The following TLCD3B variants were observed in gnomAD, a reference collection of about 807,000 sequenced individuals.
TLCD3B encodes the protein ceramide synthase.
In TLCD3B, 9 loss-of-function variants were observed where a neutral mutation model predicts 23.0. The observed-to-expected ratio is 0.39, with a 90% CI of 0.24 to 0.68. TLCD3B has a LOEUF of 0.68. Among genes scored for constraint, TLCD3B ranks in the 30% least tolerant of loss-of-function variants. TLCD3B has a pLI of 0.44. For missense variants in TLCD3B, 307 were observed against 371.8 expected, an observed-to-expected ratio of 0.83 and a Z score of 1.43; for synonymous variants, 161 against 161.0, an observed-to-expected ratio of 1.00 and a Z score of 0.00.
At chr16:30,044,992 T>C (rs1427257092) in intron 2 of TLCD3B, among the ~76,000 whole-genome samples, 4 of 140,760 alleles carry the variant, frequency 2.8e-5, no homozygotes, top group Non-Finnish European at 6.1e-5. Flanking sequence ...AGTCAGGAGG[T>C]TGAGGCAGAA....
At chr16:30,027,991 C>T (rs1477692150) in intron 2 of TLCD3B, among the ~76,000 whole-genome samples, 1 of 152,120 alleles carries the variant, frequency 6.6e-6, no homozygotes, top group Non-Finnish European at 1.5e-5. Flanking sequence ...AGGGACGGTA[C>T]CAGGGAAAAG....
At position 30,029,071 on chromosome 16, in the gene TLCD3B, C is replaced by T. The variant is rs1447757370; in HGVS notation, c.209+361G>A. ...GGGAAGGGCTGAGGGGTGAGCCTGG[C>T]ATGAGGAGGGGGCACCCCATCTGGG... is the stretch of plus-strand genomic sequence containing the variant. On this transcript the variant is annotated intron_variant, in intron 2 of 4. Coordinates refer to ENST00000380495, the MANE Select transcript of TLCD3B (RefSeq NM_031478.6). The surrounding 1 kb of genome is among the most constrained non-coding windows in gnomAD (Gnocchi z 4.6). 6.6e-6 allele frequency among the ~76,000 whole-genome samples: 1 copy of T among 152,116 alleles called. No individual in the cohort carries two copies. Among genetic ancestry groups the T allele is most frequent in the Non-Finnish European group, 1.5e-5 (1 of 68,014 alleles).
At chr16:30,049,653 C>T (rs1047947692) in intron 1 of TLCD3B, among the ~76,000 whole-genome samples, 11 of 152,040 alleles carry the variant, frequency 7.2e-5, no homozygotes, top group Non-Finnish European at 1.6e-4. Context: ...CACAGCCAGG[C>T]GCAGTAGCTC....
rs560773212 is a variant in TLCD3B, at chr16:30,047,037, T to C, written c.-293-650A>G. 2.0e-5 allele frequency among the ~76,000 whole-genome samples: 3 copies of C among 152,284 alleles called. No homozygotes were observed. In the South Asian group the frequency reaches 6.2e-4, roughly 32 times the overall value. Reference sequence around the variant, plus strand: ...GTGCAGTGGCATGATCATGGCTCCCTGTAGCCTTGAACTCCTGGGCTCAAC... The same window carrying C: ...GTGCAGTGGCATGATCATGGCTCCCCGTAGCCTTGAACTCCTGGGCTCAAC... On this transcript the variant is annotated intron_variant, in intron 1 of 6. Coordinates refer to the TLCD3B transcript ENST00000561666.
intron 1 of TLCD3B, among the ~76,000 whole-genome samples, chr16:30,047,259 C>T (rs896483030): frequency 3.7e-4 from 56 of 152,146 alleles, no homozygotes; most frequent in Non-Finnish European, 3.2e-4. Flanking sequence ...ACCTCAGCCT[C>T]CTGAGTAGCT....
At chr16:30,047,408 G>A (rs2071690551) in intron 1 of TLCD3B, among the ~76,000 whole-genome samples, 1 of 152,034 alleles carries the variant, frequency 6.6e-6, no homozygotes, top group South Asian at 2.1e-4. Flanking sequence ...TGCAACCTCT[G>A]CCTCCCAGGT....
At position 30,039,108 on chromosome 16, in the gene TLCD3B, T is replaced by TAA. The variant is rs1567307361; in HGVS notation, c.-67+1886_-67+1887insTT. 2.5e-4 allele frequency among the ~76,000 whole-genome samples: 34 copies of TAA among 134,608 alleles called. 1 individual carries two copies. Among genetic ancestry groups the TAA allele is most frequent in the South Asian group, 7.6e-4 (3 of 3,954 alleles). 88.3% of individuals were successfully genotyped at this position (134,608 alleles called of 152,430 possible). On this transcript the variant is annotated intron_variant, in intron 3 of 6. Transcript: ENST00000561666. ...CTTCTCCTCCTCCTTCCTCTCTTTTTTTTTTTTTTTTTTTTTTTTTTTTTT... is the reference window on the plus strand; with the variant it reads ...CTTCTCCTCCTCCTTCCTCTCTTTTTAATTTTTTTTTTTTTTTTTTTTTTTTT...
intron 1 of TLCD3B, among the ~76,000 whole-genome samples, chr16:30,047,082 T>A (rs546714948): frequency 6.6e-6 from 1 of 152,160 alleles, no homozygotes; most frequent in Admixed American, 6.6e-5. Context: ...CTCTTCAGCC[T>A]CCTAAGTAGC....
intron 3 of TLCD3B, among the ~76,000 whole-genome samples, chr16:30,038,625 C>T (rs568901834): frequency 6.6e-6 from 1 of 152,250 alleles, no homozygotes; most frequent in South Asian, 2.1e-4. Context: ...TGGCATGTGC[C>T]TGTAATCCCA....
At chr16:30,040,748 C>T (rs977319758) in intron 3 of TLCD3B, among the ~76,000 whole-genome samples, 9 of 151,842 alleles carry the variant, frequency 5.9e-5, no homozygotes, top group Non-Finnish European at 7.4e-5. Context: ...CTCCACCTCC[C>T]GGGCTCAAGT....
intron 2 of TLCD3B, chr16:30,041,287 T>C (rs2071576392): frequency 6.6e-6 from 1 of 152,042 alleles, no homozygotes; most frequent in African/African-American, 2.4e-5. Context: ...GTTTGTTTTG[T>C]TTTTTTGAGA....
chr16:30,031,540 T>C (rs1218113852), upstream of TLCD3B, among the ~76,000 whole-genome samples: 1 of 152,188 alleles, frequency 6.6e-6, no homozygotes, highest in African/African-American at 2.4e-5. Context: ...CTCTGTGGCC[T>C]GCCCCGGGTC....
chr16:30,038,485 C>T (rs1317714720), intron 3 of TLCD3B, among the ~76,000 whole-genome samples: 1 of 152,124 alleles, frequency 6.6e-6, no homozygotes, highest in Non-Finnish European at 1.5e-5. Context: ...GGCGCAGTGG[C>T]TCACGCCTGT....
intron 3 of TLCD3B, among the ~76,000 whole-genome samples, chr16:30,040,066 G>A (rs767719901): frequency 2.0e-5 from 3 of 149,020 alleles, no homozygotes; most frequent in Middle Eastern, 3.4e-3. Flanking sequence ...CCCAGGAGGC[G>A]GAGGTTGCAG....
At position 30,029,329 on chromosome 16, in the gene TLCD3B, G is replaced by T; in HGVS notation, c.209+103C>A. 9.9e-7 allele frequency: 1 copy of T among 1,015,126 alleles called. No individual in the cohort carries two copies. Among genetic ancestry groups the T allele is most frequent in the Non-Finnish European group, 1.5e-6 (1 of 660,024 alleles). The allele number at this position is 1,015,126 out of a possible 1,614,324, so 62.9% of individuals were successfully genotyped here. A position where few individuals can be genotyped will look rare whatever the true frequency, so the allele number is the denominator to read the frequency against. On this transcript the variant is annotated intron_variant, in intron 2 of 4. Coordinates refer to ENST00000380495, the MANE Select transcript of TLCD3B (RefSeq NM_031478.6). This position sits in a 1 kb window ranked among gnomAD's most constrained non-coding sequence, Gnocchi z 4.6. ...TTGCTCAGGCCCAAGTTAAGGGCTT[G>T]GGGACCACAGACAGAGTTCCCTCCA...
At chr16:30,045,244 G>A (rs1251933113) in intron 2 of TLCD3B, among the ~76,000 whole-genome samples, 1 of 150,260 alleles carries the variant, frequency 6.7e-6, no homozygotes, top group Non-Finnish European at 1.5e-5. Context: ...AGCTTGTTCA[G>A]GGTGTGTGTG....
At position 30,026,712 on chromosome 16, in the gene TLCD3B, G is replaced by A. The variant is rs763015790; in HGVS notation, c.341C>T (p.Ala114Val). The A allele has an allele frequency of 2.5e-6, 4 of 1,613,996 alleles. No homozygotes were observed. Among genetic ancestry groups the A allele is most frequent in the African/African-American group, 2.7e-5 (2 of 75,052 alleles). Reference sequence around the variant, plus strand: ...CGCTATGGCCCACGTGCTGCCCGGGGCTCTGGCCGCTCCGTCGTCCCCTCC... The same window carrying A: ...CGCTATGGCCCACGTGCTGCCCGGGACTCTGGCCGCTCCGTCGTCCCCTCC... ...GHGGDDGAAR[A>V]PGSTWAIARG... Residue 114 changes from alanine to valine, a missense_variant, in exon 3 of 5, where the codon GCC (alanine) becomes GTC (valine). By Grantham distance (64) the Ala-to-Val change is moderately conservative. Transcript: ENST00000380495.
At chr16:30,035,947 G>T (rs143708956), upstream of TLCD3B, among the ~76,000 whole-genome samples, 13 of 152,046 alleles carry the variant, frequency 8.6e-5, no homozygotes, top group Non-Finnish European at 1.5e-4. Flanking sequence ...ATTTTCAGTA[G>T]AGACAGGACT....
intron 1 of TLCD3B, chr16:30,046,405 T>C (rs981352197): frequency 2.6e-5 from 4 of 152,166 alleles, no homozygotes; most frequent in African/African-American, 9.7e-5. Flanking sequence ...GGTGTGCAAG[T>C]GTGATATCAT....
Sources: gnomAD v4.1 joint callset for allele counts (sites outside exome capture counted in the v4.1 genomes callset) on GRCh38, gnomAD v4.1.1 for gene constraint, Gnocchi (gnomAD v3.1) non-coding constraint, MANE v1.5 for transcripts, NCBI Gene and HGNC (gene_info 2026-07-23, HGNC 2026-07-21) for gene names.